Variants in PDE11A observed in about 807,000 individuals in gnomAD.
PDE11A encodes the protein dual 3',5'-cyclic-AMP and -GMP phosphodiesterase 11A.
Under a neutral mutation model 100.5 loss-of-function variants are expected in PDE11A, and 100 were observed. That is an observed-to-expected ratio of 1.00 (90% CI 0.85 to 1.18). The LOEUF is 1.18. Among genes scored for constraint, PDE11A ranks in the 50% most tolerant of loss-of-function variants. The pLI is 0.00. For synonymous variants in PDE11A, 381 were observed against 420.8 expected, an observed-to-expected ratio of 0.91 and a Z score of 1.16; for missense variants, 1,141 against 1,152.6, an observed-to-expected ratio of 0.99 and a Z score of 0.15.
rs554503597 is a variant in PDE11A at position 177,635,502 on chromosome 2, C to T, written c.2647-5940G>A. ...AGGGACCCCACTTATTTCCTGATTT[C>T]ATTCACACTCCACTGTTGAGTTCTC... On this transcript the variant is annotated intron_variant, in intron 19 of 19. Transcript: ENST00000286063. 2.0e-5 allele frequency among the ~76,000 whole-genome samples: 3 copies of T among 152,314 alleles called. No homozygotes were observed. The South Asian group carries it at 6.2e-4, about 32-fold the overall frequency.
chr2:178,062,088 T>C (rs1043930075), intron 1 of PDE11A, among the ~76,000 whole-genome samples: 1 of 152,206 alleles, frequency 6.6e-6, no homozygotes, highest in Non-Finnish European at 1.5e-5. Context: ...TCTTGTTCAT[T>C]CATTTTAAAA....
intron 15 of PDE11A, among the ~76,000 whole-genome samples, chr2:177,695,122 G>T (rs184225687): frequency 6.6e-6 from 1 of 151,350 alleles, no homozygotes; most frequent in African/African-American, 2.4e-5. Context: ...TTGTGTGTGG[G>T]GGGGGAGGGG....
intron 5 of PDE11A, among the ~76,000 whole-genome samples, chr2:177,856,770 A>G (rs2083841317): frequency 6.6e-6 from 1 of 152,034 alleles, no homozygotes; most frequent in African/African-American, 2.4e-5. Flanking sequence ...AGTAAAAAGA[A>G]TGAAGAAAAA....
intron 9 of PDE11A, among the ~76,000 whole-genome samples, chr2:177,808,833 G>A (rs954306749): frequency 2.0e-5 from 3 of 152,088 alleles, no homozygotes; most frequent in African/African-American, 4.8e-5. Flanking sequence ...AAAGACCCAT[G>A]AAAAATAATC....
chr2:177,887,459 G>GA (rs5836631), intron 4 of PDE11A, among the ~76,000 whole-genome samples: 1 of 149,136 alleles, frequency 6.7e-6, no homozygotes, highest in African/African-American at 2.5e-5. Flanking sequence ...CGTTAAAAAA[G>GA]AAAAAAAAAA....
chr2:178,052,171 C>G (rs1033058851), intron 1 of PDE11A, among the ~76,000 whole-genome samples: 1 of 152,218 alleles, frequency 6.6e-6, no homozygotes, highest in African/African-American at 2.4e-5. Context: ...GTCTCTCAGA[C>G]CACAGTGCAA....
intron 6 of PDE11A, among the ~76,000 whole-genome samples, chr2:177,830,837 C>G (rs2083297556): frequency 1.3e-5 from 2 of 151,788 alleles, no homozygotes. Context: ...TCTTGTACTA[C>G]TATAAATAAA....
At chr2:177,802,073 G>T (rs1184491586) in intron 9 of PDE11A, among the ~76,000 whole-genome samples, 1 of 151,960 alleles carries the variant, frequency 6.6e-6, no homozygotes, top group Non-Finnish European at 1.5e-5. Context: ...GCTCACAAAA[G>T]AAGACATCCA....
At chr2:177,775,892 C>A (rs1423496471) in intron 9 of PDE11A, among the ~76,000 whole-genome samples, 1 of 152,130 alleles carries the variant, frequency 6.6e-6, no homozygotes, top group East Asian at 1.9e-4. Context: ...ACCTGCCTCC[C>A]CTACTAGACT....
In PDE11A at chr2:177,828,811, A is replaced by T. The variant is rs912969794; in HGVS notation, c.1501-8516T>A. Among the ~76,000 whole-genome samples the T allele has an allele frequency of 3.3e-5, 5 of 151,848 alleles. No homozygotes were observed. The East Asian group carries it at 9.7e-4, about 29-fold the overall frequency. On this transcript the variant is annotated intron_variant, in intron 6 of 19. Transcript: ENST00000286063. ...GTATGGCATTGTAGATCTCTGAAAG[A>T]ATTGCAAATTTGGCTTTTACTGCAG... is the stretch of plus-strand genomic sequence containing the variant.
intron 5 of PDE11A, among the ~76,000 whole-genome samples, chr2:177,853,405 A>T (rs144951350): frequency 1.2e-3 from 189 of 151,822 alleles, no homozygotes; most frequent in Admixed American, 4.7e-3. Context: ...TAACTGCTTA[A>T]CTTCTAGGAC....
At chr2:177,915,210 T>C (rs934952249) in intron 2 of PDE11A, among the ~76,000 whole-genome samples, 1 of 152,216 alleles carries the variant, frequency 6.6e-6, no homozygotes, top group Non-Finnish European at 1.5e-5. Context: ...AACTAAAGTC[T>C]AGTCTACAAA....
chr2:177,791,739 T>C (rs2082636014), intron 9 of PDE11A, among the ~76,000 whole-genome samples: 1 of 152,166 alleles, frequency 6.6e-6, no homozygotes, highest in South Asian at 2.1e-4. Context: ...TTAACATACA[T>C]AGTACATAGA....
chr2:177,676,293 C>A (rs2105498559), intron 16 of PDE11A, among the ~76,000 whole-genome samples: 1 of 152,306 alleles, frequency 6.6e-6, no homozygotes, highest in South Asian at 2.1e-4. Context: ...AAAAATAAGG[C>A]ACACTCTGTC....
chr2:177,772,713 TAA>T (rs58575142), intron 9 of PDE11A, among the ~76,000 whole-genome samples: 10 of 141,444 alleles, frequency 7.1e-5, no homozygotes, highest in Admixed American at 1.4e-4. Context: ...TTCCTTTATT[TAA>T]AAAAAAAAAA....
chr2:177,888,070 A>G (rs571919905), intron 4 of PDE11A, among the ~76,000 whole-genome samples: 2 of 152,340 alleles, frequency 1.3e-5, no homozygotes, highest in Admixed American at 1.3e-4. Context: ...TGTTACCTGC[A>G]GGAGTCACCC....
chr2:177,631,127 T>A (rs2079911546), intron 19 of PDE11A, among the ~76,000 whole-genome samples: 1 of 67,472 alleles, frequency 1.5e-5, no homozygotes, highest in African/African-American at 3.0e-5. Context: ...TTGAATGGAA[T>A]CTTTCTATTA....
intron 7 of PDE11A, among the ~76,000 whole-genome samples, chr2:177,819,010 G>A (rs2083092158): frequency 6.6e-6 from 1 of 151,862 alleles, no homozygotes; most frequent in South Asian, 2.1e-4. Flanking sequence ...GGCAAACTAC[G>A]GTTCTAATTT....
At chr2:178,083,477 A>C (rs75255165) in intron 2 of PDE11A, among the ~76,000 whole-genome samples, 1,822 of 152,304 alleles carry the variant, frequency 0.012, 31 homozygotes, top group East Asian at 0.071. Context: ...TAAAAACAAA[A>C]ATTTTTTTAA....
Sources: allele counts gnomAD v4.1 joint callset (sites outside exome capture counted in the v4.1 genomes callset), GRCh38; gene constraint gnomAD v4.1.1; transcripts MANE v1.5; gene names NCBI Gene and HGNC (gene_info 2026-07-23, HGNC 2026-07-21).